LAX1: variants seen among roughly 807,000 people sequenced by gnomAD.
The protein encoded by LAX1 is lymphocyte transmembrane adapter 1.
LAX1 carries 17 observed loss-of-function variants against 20.7 expected under a neutral mutation model. The observed-to-expected ratio is 0.82, with a 90% CI of 0.56 to 1.23. The LOEUF is 1.23. Ranked by LOEUF, LAX1 falls within the 50% of genes most tolerant of loss-of-function variation. The probability of loss-of-function intolerance (pLI) is 0.00; values close to 1 mark genes in which losing one functional copy is unlikely to be tolerated. For synonymous variants in LAX1, 165 were observed against 181.0 expected, an observed-to-expected ratio of 0.91 and a Z score of 0.71; for missense variants, 470 against 487.0, an observed-to-expected ratio of 0.97 and a Z score of 0.33.
At position 203,770,877 on chromosome 1, in the gene LAX1, G is replaced by T. The variant is rs145287252; in HGVS notation, c.139G>T (p.Ala47Ser). 5.6e-6 allele frequency: 9 copies of T among 1,614,040 alleles called. No individual in the cohort carries two copies. The East Asian group carries it at 1.1e-4, about 20-fold the overall frequency. Reference sequence around the variant, plus strand: ...CTTTTCCGGGTTTGCGGGACTCCTCGCCATCCTCCTGGTCGTTGCGGTTTT... The same window carrying T: ...CTTTTCCGGGTTTGCGGGACTCCTCTCCATCCTCCTGGTCGTTGCGGTTTT... Reference protein sequence around the residue: ...NIFSGFAGLLAILLVVAVFCI... With the variant: ...NIFSGFAGLLSILLVVAVFCI... Residue 47 changes from alanine to serine, a missense_variant, in exon 2 of 5, where the codon GCC becomes TCC. Physicochemically the swap from Ala to Ser is moderately conservative, Grantham distance 99. Transcript: ENST00000442561.
Position 203,774,453 on chromosome 1 carries a change from C to A in LAX1, c.969C>A (p.Asp323Glu). 1 of 1,614,142 alleles carries A rather than the reference C, an allele frequency of 6.2e-7. No individual in the cohort carries two copies. Among genetic ancestry groups the A allele is most frequent in the Admixed American group, 1.7e-5 (1 of 60,012 alleles). ...CCTCAAACATAGGTCATGTCGAGGA[C>A]AAGACAGATGATCCCGGGACCCATG... is the stretch of plus-strand genomic sequence containing the variant. ...VPSSNIGHVEDKTDDPGTHVQ... is the reference protein window; with the variant it reads ...VPSSNIGHVEEKTDDPGTHVQ... Residue 323 changes from aspartate (D) to glutamate (E), a missense_variant, in exon 5 of 5, where the codon GAC becomes GAA. Transcript: ENST00000442561.
chr1:203,770,704 C>T, intron 1 of LAX1, 124 bp from the exon 2 acceptor site: 1 of 733,884 alleles, frequency 1.4e-6, no homozygotes, highest in East Asian at 2.5e-5. Context: ...CACCACACCC[C>T]ACCTGGGCTT....
intron 1 of LAX1, among the ~76,000 whole-genome samples, chr1:203,768,449 A>G (rs1667340054): frequency 6.6e-6 from 1 of 152,216 alleles, no homozygotes; most frequent in Non-Finnish European, 1.5e-5. Context: ...AGAGACCTGA[A>G]TGAGAGGGAC....
At chr1:203,773,799 G>C in intron 4 of LAX1, 76 bp from the exon 5 acceptor site, 1 of 238,442 alleles carries the variant, frequency 4.2e-6, no homozygotes, top group Non-Finnish European at 8.1e-6. Context: ...ATATGCCAGT[G>C]GTATTTTCCA....
Position 203,770,557 on chromosome 1 carries a change from G to GAAAGAA in LAX1, c.90-269_90-264dup, listed in dbSNP as rs200005797. On this transcript the variant is annotated intron_variant, in intron 1 of 4. Coordinates refer to ENST00000442561, the MANE Select transcript of LAX1 (RefSeq NM_017773.4). Reference sequence around the variant, plus strand: ...AGAAAGAAAGAAAGAAAGAAAGAAAGAAAGAAAGAAAGAGATTAATAAGTT... The same window carrying GAAAGAA: ...AGAAAGAAAGAAAGAAAGAAAGAAAGAAAGAAAAAGAAAGAAAGAGATTAATAAGTT... Among the ~76,000 whole-genome samples the GAAAGAA allele has an allele frequency of 8.5e-5, 10 of 117,238 alleles. 2 individuals carry two copies. Among genetic ancestry groups the GAAAGAA allele is most frequent in the African/African-American group, 2.6e-4 (8 of 31,122 alleles). 76.9% of individuals were successfully genotyped at this position (117,238 alleles called of 152,430 possible).
At chr1:203,773,593 C>A (rs865826203) in intron 4 of LAX1, among the ~76,000 whole-genome samples, 1 of 150,966 alleles carries the variant, frequency 6.6e-6, no homozygotes, top group African/African-American at 2.4e-5. Context: ...AGGATTTGTA[C>A]CTTTAGTCTA....
chr1:203,771,284 A>C, intron 2 of LAX1, 83 bp from the exon 3 acceptor site: 1 of 878,244 alleles, frequency 1.1e-6, no homozygotes, highest in Admixed American at 1.7e-5. Context: ...GAGCATTTTC[A>C]GGGGCCATCT....
chr1:203,765,351 G>T lies in LAX1; in HGVS notation c.-215G>T. On this transcript the variant is annotated 5_prime_UTR_variant, in exon 1 of 5. Transcript: ENST00000442561. ...GGAAGCACCATGTCCGGATGAGATC[G>T]CACTTCCTGCAGTGGGCATTAGCCA... 2 of 1,551,678 alleles carry T rather than the reference G, an allele frequency of 1.3e-6. No homozygotes were observed. The highest frequency in any genetic ancestry group is 1.4e-5 in the African/African-American group (1 of 73,168).
chr1:203,769,407 A>AAGAG (rs1667360207), intron 1 of LAX1, among the ~76,000 whole-genome samples: 1 of 80,298 alleles, frequency 1.2e-5, no homozygotes, highest in Non-Finnish European at 3.1e-5. Flanking sequence ...AAAAGAAAGA[A>AAGAG]AGAAAGAAAG....
At chr1:203,768,813 G>A (rs772039079) in intron 1 of LAX1, among the ~76,000 whole-genome samples, 2 of 152,210 alleles carry the variant, frequency 1.3e-5, no homozygotes, top group Admixed American at 1.3e-4. Flanking sequence ...TTATTGCAAA[G>A]GTTCCTGTGA....
chr1:203,772,850 AT>A (rs1349947871), intron 4 of LAX1, among the ~76,000 whole-genome samples: 1 of 150,194 alleles, frequency 6.7e-6, no homozygotes, highest in Non-Finnish European at 1.5e-5. Context: ...TAACTTTCAT[AT>A]TTTGTGTAGA....
Position 203,773,987 on chromosome 1 carries a change from C to G in LAX1, c.503C>G (p.Thr168Ser). The G allele has an allele frequency of 6.2e-7, 1 of 1,614,016 alleles. No individual in the cohort carries two copies. Among genetic ancestry groups the G allele is most frequent in the Non-Finnish European group, 8.5e-7 (1 of 1,179,990 alleles). Reference protein sequence around the residue: ...AMVPQMCGNLTPSAHCINVRA... With the variant: ...AMVPQMCGNLSPSAHCINVRA... ...GTCCCCCAGATGTGTGGGAACCTCACTCCCTCGGCACACTGCATCAATGTC... is the reference window on the plus strand; with the variant it reads ...GTCCCCCAGATGTGTGGGAACCTCAGTCCCTCGGCACACTGCATCAATGTC... Residue 168 changes from threonine to serine, a missense_variant, in exon 5 of 5, where the codon ACT becomes AGT. By Grantham distance (58) the Thr-to-Ser change is moderately conservative. Coordinates refer to ENST00000442561, the MANE Select transcript of LAX1 (RefSeq NM_017773.4).
At chr1:203,769,458 GA>G (rs1277732697) in intron 1 of LAX1, among the ~76,000 whole-genome samples, 3 of 97,296 alleles carry the variant, frequency 3.1e-5, no homozygotes, top group African/African-American at 3.2e-5. Context: ...AGAAAGAAAA[GA>G]AAAGAAAGAA....
intron 2 of LAX1, 23 bp downstream of exon 2, chr1:203,770,960 GT>G: frequency 6.6e-7 from 1 of 1,523,378 alleles, no homozygotes; most frequent in Non-Finnish European, 9.1e-7. Context: ...TTTGTCCTGA[GT>G]TGAGACACAG....
chr1:203,767,064 T>C (rs1333199721), intron 1 of LAX1, among the ~76,000 whole-genome samples: 1 of 151,952 alleles, frequency 6.6e-6, no homozygotes, highest in Admixed American at 6.6e-5. Flanking sequence ...TTCTTCATGT[T>C]GGTCAGGCTG....
chr1:203,765,660 T>A lies in LAX1; in HGVS notation c.89+6T>A. ...ACTCCCCGCAGCCTGGACAGGTGAG[T>A]GACTCAGGGTGGTGAGCTCCACCCT... On this transcript the variant is annotated splice_donor_region_variant and intron_variant, in intron 1 of 4. Transcript: ENST00000442561. 1.9e-6 allele frequency: 3 copies of A among 1,613,748 alleles called. No homozygotes were observed. Among genetic ancestry groups the A allele is most frequent in the Non-Finnish European group, 2.5e-6 (3 of 1,179,862 alleles).
chr1:203,766,400 A>AC (rs1255934112), intron 1 of LAX1, among the ~76,000 whole-genome samples: 2 of 152,168 alleles, frequency 1.3e-5, no homozygotes, highest in Admixed American at 6.5e-5. Flanking sequence ...CAGGAGAATC[A>AC]CTTGAACCCG....
At position 203,774,467 on chromosome 1, in the gene LAX1, C is replaced by T. The variant is rs746479885; in HGVS notation, c.983C>T (p.Pro328Leu). ...IGHVEDKTDD[P>L]GTHVQCVKRT... ...CATGTCGAGGACAAGACAGATGATC[C>T]CGGGACCCATGTCCAATGTGTCAAA... The change falls in exon 5 of 5, where the codon CCC (proline) becomes CTC (leucine). Residue 328 changes from proline (P) to leucine (L), a missense_variant. Coordinates refer to ENST00000442561, the MANE Select transcript of LAX1 (RefSeq NM_017773.4). The T allele has an allele frequency of 3.1e-6, 5 of 1,614,160 alleles. No homozygotes were observed. The Admixed American group carries it at 6.7e-5, about 22-fold the overall frequency.
chr1:203,770,494 GAAGGAAGGAAGGAAGGAAGAAAGA>G (rs1558070804), intron 1 of LAX1, among the ~76,000 whole-genome samples: 5 of 40,442 alleles, frequency 1.2e-4, no homozygotes, highest in African/African-American at 2.7e-4. Context: ...AGGAAGGAAG[GAAGGAAGGAAGGAAGGAAGAAAGA>G]AAGAAAGAAA....
Sources: gnomAD v4.1 joint callset for allele counts (sites outside exome capture counted in the v4.1 genomes callset) on GRCh38, gnomAD v4.1.1 for gene constraint, MANE v1.5 for transcripts, NCBI Gene and HGNC (gene_info 2026-07-23, HGNC 2026-07-21) for gene names.